ZNF366: variants seen among roughly 807,000 people sequenced by gnomAD.
ZNF366 encodes dendritic cell-specific transcript protein.
ZNF366 carries 20 observed loss-of-function variants against 47.2 expected under a neutral mutation model. The observed-to-expected ratio is 0.42, with a 90% CI of 0.30 to 0.62. The LOEUF is 0.62. Ranked by LOEUF, ZNF366 falls within the 20% of genes least tolerant of loss-of-function variation. ZNF366 has a pLI of 0.16. For synonymous variants in ZNF366, 421 were observed against 395.1 expected, an observed-to-expected ratio of 1.07 and a Z score of -0.78; for missense variants, 987 against 976.3, an observed-to-expected ratio of 1.01 and a Z score of -0.15.
At chr5:72,493,677 T>C (rs1278060473) in intron 1 of ZNF366, 1 of 152,182 alleles carries the variant, frequency 6.6e-6, no homozygotes, top group Non-Finnish European at 1.5e-5. Flanking sequence ...GTTTAAAAAA[T>C]AAACCCATTT....
At chr5:72,446,889 T>C (rs559616175) in intron 4 of ZNF366, among the ~76,000 whole-genome samples, 3 of 152,290 alleles carry the variant, frequency 2.0e-5, no homozygotes, top group East Asian at 1.9e-4. Flanking sequence ...TTGGGCAAAT[T>C]GATCTCTTGA....
intron 4 of ZNF366, among the ~76,000 whole-genome samples, chr5:72,444,855 AT>A (rs1462745313): frequency 6.6e-6 from 1 of 152,236 alleles, no homozygotes; most frequent in African/African-American, 2.4e-5. Flanking sequence ...ATTAAAAAAT[AT>A]TTGGAAGGAG....
chr5:72,502,017 G>A (rs546118519), intron 1 of ZNF366, among the ~76,000 whole-genome samples: 6 of 152,170 alleles, frequency 3.9e-5, no homozygotes, highest in African/African-American at 1.4e-4. Flanking sequence ...GCATTGTCTA[G>A]ACTCCAGAAA....
chr5:72,454,101 T>G (rs1743132800), intron 3 of ZNF366, among the ~76,000 whole-genome samples: 1 of 152,154 alleles, frequency 6.6e-6, no homozygotes, highest in South Asian at 2.1e-4. Context: ...TATAAACCAC[T>G]CTCTTATGGG....
In ZNF366 at chr5:72,460,805, C is replaced by T. The variant is rs771533063; in HGVS notation, c.692G>A (p.Arg231Lys). 46 of 1,614,220 alleles carry T rather than the reference C, an allele frequency of 2.8e-5. No individual in the cohort carries two copies. The East Asian group carries it at 9.1e-4, about 32-fold the overall frequency. ...ESEETKQKVE[R>K]VDVNVQIDDS... Reference sequence around the variant, plus strand: ...ATCGATCTGCACGTTCACGTCCACCCTCTCCACCTTCTGCTTGGTCTCCTC... The same window carrying T: ...ATCGATCTGCACGTTCACGTCCACCTTCTCCACCTTCTGCTTGGTCTCCTC... The change falls in exon 2 of 5, where the codon AGG (arginine) becomes AAG (lysine). Residue 231 changes from arginine to lysine, a missense_variant. Arg to Lys is a conservative substitution (Grantham distance 26, BLOSUM62 2). Around this residue, in one of 3 missense-constraint regions of ZNF366, gnomAD observed 591 missense variants for 560.9 expected, o/e 1.05. Transcript: ENST00000318442.
intron 1 of ZNF366, among the ~76,000 whole-genome samples, chr5:72,494,840 G>T (rs1744080503): frequency 6.6e-6 from 1 of 152,040 alleles, no homozygotes; most frequent in Non-Finnish European, 1.5e-5. Context: ...ATGGCAAGGA[G>T]GTTATGCAAT....
intron 1 of ZNF366, among the ~76,000 whole-genome samples, chr5:72,472,981 T>G (rs1223096570): frequency 6.6e-6 from 1 of 152,168 alleles, no homozygotes; most frequent in East Asian, 1.9e-4. Flanking sequence ...AGCTTCCTCA[T>G]GGGGTATTGC....
chr5:72,460,046 T>C lies in ZNF366; in HGVS notation c.1332+119A>G, dbSNP rs1180037997. 5 of 1,363,472 alleles carry C rather than the reference T, an allele frequency of 3.7e-6. No individual in the cohort carries two copies. The African/African-American group carries it at 7.3e-5, about 20-fold the overall frequency. 84.5% of individuals were successfully genotyped at this position (1,363,472 alleles called of 1,614,324 possible). A position where few individuals can be genotyped will look rare whatever the true frequency, so the allele number is the denominator to read the frequency against. On this transcript the variant is annotated intron_variant, in intron 2 of 4. Transcript: ENST00000318442. ...GGCCAAGGGACCGCTTGTCCGGGGTTGCCCACCTCCTCGGGGTAAGGTGCA... is the reference window on the plus strand; with the variant it reads ...GGCCAAGGGACCGCTTGTCCGGGGTCGCCCACCTCCTCGGGGTAAGGTGCA...
At chr5:72,482,443 C>T (rs950077316) in intron 1 of ZNF366, among the ~76,000 whole-genome samples, 3 of 152,186 alleles carry the variant, frequency 2.0e-5, no homozygotes, top group African/African-American at 7.2e-5. Flanking sequence ...TGCTGGGACT[C>T]CTCTGGATAA....
intron 1 of ZNF366, among the ~76,000 whole-genome samples, chr5:72,494,993 A>T (rs1427512699): frequency 6.6e-6 from 1 of 152,108 alleles, no homozygotes; most frequent in Non-Finnish European, 1.5e-5. Flanking sequence ...GCTTGCCTTC[A>T]CATTTTCAGG....
intron 1 of ZNF366, among the ~76,000 whole-genome samples, chr5:72,480,557 G>T (rs186511901): frequency 1.4e-3 from 214 of 152,090 alleles, no homozygotes; most frequent in African/African-American, 5.0e-3. Context: ...CTTATAAAAG[G>T]AGTACATTAG....
At chr5:72,501,621 CA>C in intron 1 of ZNF366, among the ~76,000 whole-genome samples, 1 of 152,196 alleles carries the variant, frequency 6.6e-6, no homozygotes, top group Non-Finnish European at 1.5e-5. Context: ...GGTGTTTTGT[CA>C]ATTCAGCCCA....
chr5:72,480,646 C>A (rs1056784767), intron 1 of ZNF366, among the ~76,000 whole-genome samples: 1 of 151,906 alleles, frequency 6.6e-6, no homozygotes, highest in Non-Finnish European at 1.5e-5. Flanking sequence ...ACTGGTGAGG[C>A]GAACCTAAGA....
At chr5:72,469,911 G>A (rs780624899) in intron 1 of ZNF366, among the ~76,000 whole-genome samples, 7 of 152,116 alleles carry the variant, frequency 4.6e-5, no homozygotes, top group Non-Finnish European at 1.0e-4. Context: ...CAGGTATGGT[G>A]GTATGGGCCT....
chr5:72,501,756 C>G (rs1321646010), intron 1 of ZNF366, among the ~76,000 whole-genome samples: 5 of 152,208 alleles, frequency 3.3e-5, no homozygotes, highest in Non-Finnish European at 7.3e-5. Context: ...AATGACCGTT[C>G]TCTGTCTCGC....
intron 1 of ZNF366, among the ~76,000 whole-genome samples, chr5:72,493,959 G>A (rs1379840610): frequency 7.4e-6 from 1 of 134,900 alleles, no homozygotes; most frequent in African/African-American, 2.7e-5. Flanking sequence ...TTTTAGTAGA[G>A]GTGGGGTTTC....
chr5:72,488,727 T>C lies in ZNF366; in HGVS notation c.-15+18524A>G, dbSNP rs151250640. On this transcript the variant is annotated intron_variant, in intron 1 of 4. Transcript: ENST00000318442. ...ACCCCCTTAAGCCCCAAGAACACTT[T>C]AGCCCAGCAACCGCATTTGGAGAAG... Among the ~76,000 whole-genome samples the C allele has an allele frequency of 5.3e-3, 810 of 152,248 alleles. 9 individuals carry two copies. The highest frequency in any genetic ancestry group is 0.018 in the African/African-American group (732 of 41,544).
In ZNF366 at chr5:72,481,670, C is replaced by A. The variant is rs141537818; in HGVS notation, c.-14-20160G>T. Among the ~76,000 whole-genome samples the A allele has an allele frequency of 2.6e-5, 4 of 152,238 alleles. No individual in the cohort carries two copies. In the East Asian group the frequency reaches 7.7e-4, roughly 29 times the overall value. On this transcript the variant is annotated intron_variant, in intron 1 of 4. Coordinates refer to ENST00000318442, the MANE Select transcript of ZNF366 (RefSeq NM_152625.3). ...TTCTATAAATGTATCTTTTTGTCTT[C>A]TGTGACTCCTTTTGTTTTCCACCTG...
chr5:72,440,368 G>A lies in ZNF366; in HGVS notation c.*3388C>T, dbSNP rs1299294144. 1 of 152,110 alleles carries A rather than the reference G, an allele frequency of 6.6e-6. No individual in the cohort carries two copies. Among genetic ancestry groups the A allele is most frequent in the African/African-American group, 2.4e-5 (1 of 41,408 alleles). The allele number at this position is 152,110 out of a possible 1,614,324, so 9.4% of individuals were successfully genotyped here. A position where few individuals can be genotyped will look rare whatever the true frequency, so the allele number is the denominator to read the frequency against. On this transcript the variant is annotated 3_prime_UTR_variant, in exon 5 of 5. Transcript: ENST00000318442. ...GAGGAATTGAAAGGTAACATGAGGA[G>A]TAATCATAGGAAAGAATAAAAAGAA...
Sources: gnomAD v4.1 joint callset for allele counts (sites outside exome capture counted in the v4.1 genomes callset) on GRCh38, gnomAD v4.1.1 for gene constraint, gnomAD v4.1.1 regional missense constraint, MANE v1.5 for transcripts, NCBI Gene and HGNC (gene_info 2026-07-23, HGNC 2026-07-21) for gene names.